The following TCF12 variants were observed in gnomAD, a reference collection of about 807,000 sequenced individuals.
TCF12 encodes the protein transcription factor 12, also known as DNA-binding protein HTF4.
In TCF12, 45 loss-of-function variants were observed where a neutral mutation model predicts 86.0. That is an observed-to-expected ratio of 0.52 (90% CI 0.41 to 0.67). TCF12 has a LOEUF of 0.67. TCF12 is among the 30% of genes least tolerant of loss of function. TCF12 has a pLI of 0.00. For synonymous variants in TCF12, 330 were observed against 299.6 expected, an observed-to-expected ratio of 1.10 and a Z score of -1.05; for missense variants, 881 against 859.9, an observed-to-expected ratio of 1.02 and a Z score of -0.31.
At chr15:57,163,299 A>G (rs1367159834) in intron 5 of TCF12, among the ~76,000 whole-genome samples, 1 of 152,266 alleles carries the variant, frequency 6.6e-6, no homozygotes, top group Admixed American at 6.5e-5. Context: ...ATAGACTAGT[A>G]TCATTTTCAT....
At chr15:57,099,642 CCTA>C (rs2049585775) in intron 5 of TCF12, among the ~76,000 whole-genome samples, 1 of 151,980 alleles carries the variant, frequency 6.6e-6, no homozygotes, top group Non-Finnish European at 1.5e-5. Context: ...GTTGATTTAG[CCTA>C]CTATTTCTAA....
intron 5 of TCF12, among the ~76,000 whole-genome samples, chr15:57,144,074 C>A (rs76755206): frequency 0.017 from 2,618 of 152,286 alleles, 69 homozygotes; most frequent in African/African-American, 0.059. Flanking sequence ...CCTGATCCAC[C>A]TTCACATGCA....
At chr15:57,183,604 G>T (rs372746976) in intron 6 of TCF12, among the ~76,000 whole-genome samples, 1 of 152,206 alleles carries the variant, frequency 6.6e-6, no homozygotes, top group Non-Finnish European at 1.5e-5. Flanking sequence ...AAAGGTTTAT[G>T]CCCAGGAAAC....
intron 3 of TCF12, among the ~76,000 whole-genome samples, chr15:56,937,949 T>C (rs773058005): frequency 6.6e-5 from 10 of 152,028 alleles, no homozygotes; most frequent in Non-Finnish European, 1.2e-4. Flanking sequence ...TTTGATTCGG[T>C]TAGCTAGTAT....
chr15:57,029,251 G>A (rs1186743267), intron 3 of TCF12, among the ~76,000 whole-genome samples: 1 of 149,418 alleles, frequency 6.7e-6, no homozygotes, highest in African/African-American at 2.5e-5. Flanking sequence ...TTTTTTTTTT[G>A]GTGCCTTAGT....
In TCF12 at chr15:57,196,782, G is replaced by A. The variant is rs866957957; in HGVS notation, c.527-991G>A. On this transcript the variant is annotated intron_variant, in intron 7 of 20. Transcript: ENST00000333725. ...ATTTCCTGGAAATATAAACATTCAA[G>A]GACAAATTGTACAGTAATTAATGCT... Among the ~76,000 whole-genome samples, 3 of 152,132 alleles carry A rather than the reference G, an allele frequency of 2.0e-5. No homozygotes were observed. The South Asian group carries it at 6.2e-4, about 32-fold the overall frequency.
chr15:56,931,599 A>C (rs1198260067), intron 3 of TCF12, among the ~76,000 whole-genome samples: 1 of 152,166 alleles, frequency 6.6e-6, no homozygotes, highest in Non-Finnish European at 1.5e-5. Flanking sequence ...GTCTTTGGTA[A>C]ACTTTATTCT....
rs58751405 is a variant in TCF12 at position 57,170,805 on chromosome 15, A to ATTTT, written c.390+4355_390+4358dup. Among the ~76,000 whole-genome samples, 31 of 51,356 alleles carry ATTTT rather than the reference A, an allele frequency of 6.0e-4. 1 individual carries two copies. The highest frequency in any genetic ancestry group is 3.6e-3 in the African/African-American group (31 of 8,594). 33.7% of individuals were successfully genotyped at this position (51,356 alleles called of 152,430 possible). ...TATATATATATAATATATATATATA[A>ATTTT]TTTTTTTTTTTTTTTTTTTAGAGAT... On this transcript the variant is annotated intron_variant, in intron 6 of 20. Transcript: ENST00000333725.
chr15:57,238,350 G>T (rs1187371616), intron 12 of TCF12, among the ~76,000 whole-genome samples: 1 of 152,072 alleles, frequency 6.6e-6, no homozygotes, highest in Non-Finnish European at 1.5e-5. Context: ...TGTTGACATG[G>T]TTAGGGATTG....
chr15:57,267,825 T>C (rs1321615899), intron 18 of TCF12, among the ~76,000 whole-genome samples: 2 of 152,322 alleles, frequency 1.3e-5, no homozygotes, highest in African/African-American at 4.8e-5. Flanking sequence ...GTGGTTCCAT[T>C]ACATACTTGC....
At chr15:57,044,952 T>C (rs1303707188) in intron 3 of TCF12, among the ~76,000 whole-genome samples, 4 of 152,154 alleles carry the variant, frequency 2.6e-5, no homozygotes, top group Admixed American at 2.0e-4. Context: ...CTTGGGGGTG[T>C]AAATGACAAA....
At chr15:57,184,994 C>A (rs1267567006) in intron 6 of TCF12, among the ~76,000 whole-genome samples, 3 of 152,108 alleles carry the variant, frequency 2.0e-5, no homozygotes, top group Admixed American at 6.6e-5. Flanking sequence ...TCCTTTAGGT[C>A]TGATAATTAC....
intron 3 of TCF12, among the ~76,000 whole-genome samples, chr15:57,043,372 C>T (rs1252772861): frequency 6.6e-6 from 1 of 152,130 alleles, no homozygotes; most frequent in East Asian, 1.9e-4. Context: ...TACTATTTTC[C>T]ATGGCAACCG....
chr15:57,091,856 T>C lies in TCF12; in HGVS notation c.290T>C (p.Leu97Ser), dbSNP rs1327725103. ...AGTCGATTAGGAGCCCATGAAGGCT[T>C]GTCCCCAACACCTTTCATGAACTCA... The part of the protein sequence containing the change: ...NDSRLGAHEG[L>S]SPTPFMNSNL... Residue 97 changes from leucine to serine, a missense_variant, in exon 5 of 21, where the codon TTG becomes TCG. Coordinates refer to ENST00000333725, the MANE Select transcript of TCF12 (RefSeq NM_207037.2). The C allele has an allele frequency of 6.2e-7, 1 of 1,613,860 alleles. No individual in the cohort carries two copies. Among genetic ancestry groups the C allele is most frequent in the Non-Finnish European group, 8.5e-7 (1 of 1,179,798 alleles).
chr15:57,179,146 A>G (rs1315647912), intron 6 of TCF12, among the ~76,000 whole-genome samples: 2 of 152,198 alleles, frequency 1.3e-5, no homozygotes, highest in Non-Finnish European at 2.9e-5. Context: ...ACGTTTTAGC[A>G]CTGTAATATT....
At chr15:57,133,365 G>C (rs1454154109) in intron 5 of TCF12, among the ~76,000 whole-genome samples, 2 of 152,194 alleles carry the variant, frequency 1.3e-5, no homozygotes, top group East Asian at 1.9e-4. Context: ...TTCAGTAGAA[G>C]GTTATTAGAA....
intron 8 of TCF12, among the ~76,000 whole-genome samples, chr15:57,221,519 T>G (rs2058596386): frequency 6.6e-6 from 1 of 151,872 alleles, no homozygotes; most frequent in Admixed American, 6.6e-5. Flanking sequence ...TGTATTACAT[T>G]TCTCTTTGTT....
chr15:57,248,969 C>T (rs778258227), intron 13 of TCF12, among the ~76,000 whole-genome samples: 6 of 152,170 alleles, frequency 3.9e-5, no homozygotes, highest in Non-Finnish European at 8.8e-5. Context: ...GTTAATATTG[C>T]ACACAAAGTC....
At chr15:57,126,791 A>G (rs1212257043) in intron 5 of TCF12, among the ~76,000 whole-genome samples, 1 of 152,114 alleles carries the variant, frequency 6.6e-6, no homozygotes, top group African/African-American at 2.4e-5. Flanking sequence ...TTTAATGGAA[A>G]TTTTCTATGA....
Sources: allele counts gnomAD v4.1 joint callset (sites outside exome capture counted in the v4.1 genomes callset), GRCh38; gene constraint gnomAD v4.1.1; transcripts MANE v1.5; gene names NCBI Gene and HGNC (gene_info 2026-07-23, HGNC 2026-07-21).